Variants in MYH7 observed in about 807,000 individuals in gnomAD.
MYH7 encodes the protein myosin-7.
A neutral mutation model predicts 225.4 loss-of-function variants in MYH7; 129 were observed. That is an observed-to-expected ratio of 0.57 (90% CI 0.50 to 0.66). The LOEUF is 0.66. Among genes scored for constraint, MYH7 ranks in the 30% least tolerant of loss-of-function variants. MYH7 has a pLI of 0.00. For missense variants in MYH7, 1,649 were observed against 2,517.0 expected, an observed-to-expected ratio of 0.66 and a Z score of 7.38; for synonymous variants, 971 against 1,007.6, an observed-to-expected ratio of 0.96 and a Z score of 0.69.
chr14:23,419,558 G>C lies in MYH7; in HGVS notation c.3778C>G (p.Arg1260Gly). The change falls in exon 28 of 40, where the codon CGG (arginine) becomes GGG (glycine). Residue 1260 changes from arginine (R) to glycine (G), a missense_variant. By Grantham distance (125) the Arg-to-Gly change is moderately radical. Around this residue, in one of 12 missense-constraint regions of MYH7, gnomAD observed 687 missense variants for 913.8 expected, o/e 0.75. Transcript: ENST00000355349. The stretch of plus-strand genomic sequence containing the variant: ...CGCTGGGTCTCCTCCGCCTTGCTCC[G>C]GTGCTCATTCATCTGGTCTTCCAAG... Reference protein sequence around the residue: ...RTLEDQMNEHRSKAEETQRSV... With the variant: ...RTLEDQMNEHGSKAEETQRSV... The C allele has an allele frequency of 1.2e-6, 2 of 1,614,020 alleles. No homozygotes were observed. The highest frequency in any genetic ancestry group is 2.2e-5 in the East Asian group (1 of 44,872).
rs2754163 is a variant in MYH7, at chr14:23,428,298, T to C, written c.1578+202A>G. 0.38 allele frequency among the ~76,000 whole-genome samples: 57,391 copies of C among 152,006 alleles called. 12,712 individuals are homozygous for C. The highest frequency in any genetic ancestry group is 0.62 in the African/African-American group (25,629 of 41,414). ...GGTGCCCATCCTCCATGTGTCCACT[T>C]TCAAGCCCCTGGGAAATCAGCTGTC... On this transcript the variant is annotated intron_variant, in intron 15 of 39. Coordinates refer to ENST00000355349, the MANE Select transcript of MYH7 (RefSeq NM_000257.4).
Position 23,426,018 on chromosome 14 carries a change from C to T in MYH7, c.2108G>A (p.Arg703His), listed in dbSNP as rs1232358310. Residue 703 changes from arginine (R) to histidine (H), a missense_variant, in exon 19 of 40, where the codon CGC becomes CAC. By Grantham distance (29) the Arg-to-His change is conservative. Coordinates refer to ENST00000355349, the MANE Select transcript of MYH7 (RefSeq NM_000257.4). ...GTTGGGGAAGCCTTTCCTGCAGATG[C>T]GGATGCCCTCCAGCACACCATTGCA... ...LRCNGVLEGI[R>H]ICRKGFPNRI... is the part of the protein sequence containing the mutation. The T allele has an allele frequency of 3.1e-6, 5 of 1,614,196 alleles. No individual in the cohort carries two copies. Among genetic ancestry groups the T allele is most frequent in the Middle Eastern group, 1.7e-4 (1 of 6,044 alleles).
chr14:23,424,901 CA>C lies in MYH7; in HGVS notation c.2546del (p.Met849ArgfsTer4). 6.2e-7 allele frequency: 1 copy of C among 1,614,180 alleles called. No homozygotes were observed. Among genetic ancestry groups the C allele is most frequent in the Non-Finnish European group, 8.5e-7 (1 of 1,180,022 alleles). ...GTGTGAACTCCTCCTTCATGGAGGC[CA>C]TCTCCTTCTCTCTTTCTGCACTCTT... is the stretch of plus-strand genomic sequence containing the variant. The part of the protein sequence containing the change: ...LLKSAEREKE[M>X]ASMKEEFTRL... On this transcript the variant is annotated frameshift_variant, in exon 22 of 40. Transcript: ENST00000355349. LOFTEE classifies it high-confidence loss of function.
rs750973410 is a variant in MYH7 at position 23,415,586 on chromosome 14, C to T, written c.5157+43G>A. On this transcript the variant is annotated intron_variant, in intron 35 of 39. Transcript: ENST00000355349. The surrounding 1 kb of genome is among the most constrained non-coding windows in gnomAD (Gnocchi z 6.3). Reference sequence around the variant, plus strand: ...GCTCTCAAGCCTTGCTTGCTGAGCCCCAGCCTGTGCTCCCTTCAGGAATGA... The same window carrying T: ...GCTCTCAAGCCTTGCTTGCTGAGCCTCAGCCTGTGCTCCCTTCAGGAATGA... The T allele has an allele frequency of 3.1e-6, 5 of 1,613,704 alleles. No homozygotes were observed. The Admixed American group carries it at 8.3e-5, about 27-fold the overall frequency.
intron 14 of MYH7, 37 bp from the exon 15 acceptor site, chr14:23,428,707 T>A: frequency 1.2e-6 from 2 of 1,613,294 alleles, no homozygotes; most frequent in Non-Finnish European, 1.7e-6. Flanking sequence ...AGTCAGAAAG[T>A]GGGTGTGAGT....
At position 23,413,897 on chromosome 14, in the gene MYH7, C is replaced by A; in HGVS notation, c.5656-4G>T. ...GGTTGGTGTTGGCTTGCTCCTCCTGCGGGAGGTGGGAGCATGAGGTGAGAG... is the reference window on the plus strand; with the variant it reads ...GGTTGGTGTTGGCTTGCTCCTCCTGAGGGAGGTGGGAGCATGAGGTGAGAG... On this transcript the variant is annotated splice_polypyrimidine_tract_variant and splice_region_variant and intron_variant, in intron 38 of 39. Coordinates refer to ENST00000355349, the MANE Select transcript of MYH7 (RefSeq NM_000257.4). 1 of 1,614,212 alleles carries A rather than the reference C, an allele frequency of 6.2e-7. No homozygotes were observed. The highest frequency in any genetic ancestry group is 8.5e-7 in the Non-Finnish European group (1 of 1,180,050).
At chr14:23,423,417 C>T (rs892581965) in intron 24 of MYH7, 130 bp downstream of exon 24, 1 of 1,277,746 alleles carries the variant, frequency 7.8e-7, no homozygotes, top group Admixed American at 1.7e-5. Context: ...AACCCTACCC[C>T]CCTCTAAACA....
rs1442768350 is a variant in MYH7, at chr14:23,433,957, TG to T, written c.-8-218del. On this transcript the variant is annotated intron_variant, in intron 2 of 39. Coordinates refer to ENST00000355349, the MANE Select transcript of MYH7 (RefSeq NM_000257.4). This position sits in a 1 kb window ranked among gnomAD's most constrained non-coding sequence, Gnocchi z 4.1. ...AGGAACAACTAACTATTGTTCAAGC[TG>T]GGGCTCTCCTAGGGGAAGGAAGAGC... Among the ~76,000 whole-genome samples the T allele has an allele frequency of 6.6e-6, 1 of 152,188 alleles. No homozygotes were observed. The highest frequency in any genetic ancestry group is 1.5e-5 in the Non-Finnish European group (1 of 68,004).
At chr14:23,421,540 T>G (rs1211464006) in intron 25 of MYH7, among the ~76,000 whole-genome samples, 1 of 152,244 alleles carries the variant, frequency 6.6e-6, no homozygotes, top group African/African-American at 2.4e-5. Flanking sequence ...TGGGAAGGTA[T>G]GAAGATTCCT....
chr14:23,413,757 A>G lies in MYH7; in HGVS notation c.5790+2T>C. The G allele has an allele frequency of 6.2e-7, 1 of 1,613,916 alleles. No homozygotes were observed. The highest frequency in any genetic ancestry group is 8.5e-7 in the Non-Finnish European group (1 of 1,180,026). On this transcript the variant is annotated splice_donor_variant, in intron 39 of 39. Transcript: ENST00000355349. LOFTEE classifies it high-confidence loss of function. ...CTAGCAAAGCCCAAAAGAGGGACCC[A>G]CCTTCGTGCCAATGTCACGGCTCTT...
chr14:23,416,816 C>A (rs533547001), intron 33 of MYH7, 52 bp downstream of exon 33: 1 of 1,612,816 alleles, frequency 6.2e-7, no homozygotes, highest in South Asian at 1.1e-5. Context: ...GAACAGGGAC[C>A]AAAAGCCTGG....
rs138565959 is a variant in MYH7, at chr14:23,422,574, C to CCTTT, written c.3100-253_3100-250dup. Among the ~76,000 whole-genome samples, 23,289 of 146,666 alleles carry CCTTT rather than the reference C, an allele frequency of 0.16. 2,131 individuals are homozygous for CCTTT. Among genetic ancestry groups the CCTTT allele is most frequent in the African/African-American group, 0.23 (8,685 of 38,102 alleles). On this transcript the variant is annotated intron_variant, in intron 24 of 39. Transcript: ENST00000355349. The stretch of plus-strand genomic sequence containing the variant: ...CAAAGCCGTATTCTTTCTTTCTTTC[C>CCTTT]CTTTCTTTCTTTCTTTCTTTCTCTC...
At chr14:23,424,694 T>G in intron 22 of MYH7, 75 bp downstream of exon 22, 1 of 1,605,152 alleles carries the variant, frequency 6.2e-7, no homozygotes. Context: ...TGAGCCCCTG[T>G]GCAGGGAGGT....
Position 23,424,778 on chromosome 14 carries a change from T to G in MYH7, c.2670A>C (p.Gln890His). 1.9e-6 allele frequency: 3 copies of G among 1,614,146 alleles called. No homozygotes were observed. Among genetic ancestry groups the G allele is most frequent in the Non-Finnish European group, 2.5e-6 (3 of 1,180,022 alleles). The stretch of plus-strand genomic sequence containing the variant: ...AGCCCAGGAGCCTCACCGCCTGCAC[T>G]TGGAGCTGCAGGTCATTCTTCTCCT... ...LLQEKNDLQLQVQAEQDNLAD... is the reference protein window; with the variant it reads ...LLQEKNDLQLHVQAEQDNLAD... The change falls in exon 22 of 40, where the codon CAA (glutamine) becomes CAC (histidine). Residue 890 changes from glutamine (Q) to histidine (H), a missense_variant. Gln to His is a conservative substitution (Grantham distance 24, BLOSUM62 0). Transcript: ENST00000355349.
At chr14:23,430,391 C>T (rs1892878749) in intron 11 of MYH7, among the ~76,000 whole-genome samples, 169 bp downstream of exon 11, 1 of 152,186 alleles carries the variant, frequency 6.6e-6, no homozygotes, top group South Asian at 2.1e-4. Context: ...AGTCCTGTCT[C>T]ACCTCATCCA....
chr14:23,427,171 G>A, intron 17 of MYH7, 69 bp downstream of exon 17: 3 of 1,504,106 alleles, frequency 2.0e-6, no homozygotes, highest in Non-Finnish European at 2.8e-6. Flanking sequence ...GAACAAGGCA[G>A]GGAAGGGTGG....
At chr14:23,414,285 C>A (rs1387786829) in intron 37 of MYH7, among the ~76,000 whole-genome samples, 183 bp from the exon 38 acceptor site, 1 of 152,140 alleles carries the variant, frequency 6.6e-6, no homozygotes, top group African/African-American at 2.4e-5. Context: ...TGATCTGTAC[C>A]AGGAAAGAGT....
intron 27 of MYH7, 39 bp from the exon 28 acceptor site, chr14:23,419,648 G>A: frequency 6.2e-7 from 1 of 1,613,958 alleles, no homozygotes; most frequent in Non-Finnish European, 8.5e-7. Flanking sequence ...GATGTTGGGG[G>A]CGGGGGGAAT....
chr14:23,430,295 C>T (rs748907676), intron 11 of MYH7, among the ~76,000 whole-genome samples: 4 of 152,154 alleles, frequency 2.6e-5, no homozygotes, highest in Non-Finnish European at 4.4e-5. Context: ...CCTGCTCCCT[C>T]GGTGATGCTT....
Sources: allele counts gnomAD v4.1 joint callset (sites outside exome capture counted in the v4.1 genomes callset), GRCh38; gene constraint gnomAD v4.1.1; regional missense constraint gnomAD v4.1.1; non-coding constraint Gnocchi (gnomAD v3.1); transcripts MANE v1.5; gene names NCBI Gene and HGNC (gene_info 2026-07-23, HGNC 2026-07-21).